The following MID1 variants were observed in gnomAD, a reference collection of about 807,000 sequenced individuals.
MID1 encodes the protein E3 ubiquitin-protein ligase Midline-1.
MID1 carries 7 observed loss-of-function variants against 40.4 expected under a neutral mutation model. That is an observed-to-expected ratio of 0.17 (90% CI 0.10 to 0.33). The LOEUF is 0.33. MID1 is among the 10% of genes least tolerant of loss of function. The pLI is 1.00. For synonymous variants in MID1, 229 were observed against 221.2 expected, an observed-to-expected ratio of 1.04 and a Z score of -0.31; for missense variants, 367 against 558.5, an observed-to-expected ratio of 0.66 and a Z score of 3.46.
At position 10,541,638 on chromosome X, in the gene MID1, C is replaced by A. The variant is rs145104297; in HGVS notation, c.661-18451G>T. 3.5e-3 allele frequency among the ~76,000 whole-genome samples: 392 copies of A among 111,402 alleles called. 2 individuals carry two copies. The highest frequency in any genetic ancestry group is 0.012 in the African/African-American group (356 of 30,661). The stretch of plus-strand genomic sequence containing the variant: ...CTAAAGTAGTTTCCAGTTCTTTGCA[C>A]TTTGTAGTAGAGAAAAAGTATTTCC... On this transcript the variant is annotated intron_variant, in intron 2 of 9. Coordinates refer to ENST00000317552, the MANE Select transcript of MID1 (RefSeq NM_000381.4).
chrX:10,672,852 CT>C (rs2042997429), intron 1 of MID1, among the ~76,000 whole-genome samples: 1 of 110,330 alleles, frequency 9.1e-6, no homozygotes, highest in East Asian at 2.8e-4. Flanking sequence ...ACCCAGTTAA[CT>C]TTTTATTTTT....
intron 1 of MID1, among the ~76,000 whole-genome samples, chrX:10,695,625 A>G (rs1267950184): frequency 8.9e-6 from 1 of 112,061 alleles, no homozygotes; most frequent in Non-Finnish European, 1.9e-5. Context: ...TCCATTTCCC[A>G]CATGGTGTGG....
chrX:10,469,197 G>T, intron 7 of MID1: 1 of 262,570 alleles, frequency 3.8e-6, no homozygotes, highest in Non-Finnish European at 5.5e-6. Context: ...TCAGCCTCCT[G>T]AGTAGTTGGG....
intron 1 of MID1, among the ~76,000 whole-genome samples, chrX:10,638,008 C>A (rs148827235): frequency 4.9e-4 from 55 of 112,053 alleles, no homozygotes; most frequent in Non-Finnish European, 8.7e-4. Flanking sequence ...GGCAAATACA[C>A]TCGGGAAGTG....
chrX:10,456,871 T>TA (rs199722862), intron 8 of MID1, among the ~76,000 whole-genome samples: 1 of 109,685 alleles, frequency 9.1e-6, no homozygotes, highest in African/African-American at 3.4e-5. Flanking sequence ...AGAAAAGCTT[T>TA]AAAGGGGGAG....
intron 1 of MID1, among the ~76,000 whole-genome samples, chrX:10,659,847 G>A (rs1290736359): frequency 8.9e-6 from 1 of 111,896 alleles, no homozygotes; most frequent in South Asian, 3.8e-4. Context: ...CCTTATGATT[G>A]TCTAAAGTGT....
At chrX:10,636,059 G>A (rs1228804681) in intron 1 of MID1, among the ~76,000 whole-genome samples, 3 of 112,279 alleles carry the variant, frequency 2.7e-5, no homozygotes, top group East Asian at 5.6e-4. Context: ...TAGAGAGAAA[G>A]GAGAAAGGCA....
chrX:10,685,849 C>G (rs1286866458), intron 1 of MID1, among the ~76,000 whole-genome samples: 2 of 102,227 alleles, frequency 2.0e-5, no homozygotes, highest in Non-Finnish European at 4.0e-5. Flanking sequence ...TTCAGGGGAC[C>G]CCTCGGCCCC....
At chrX:10,613,409 T>C (rs779748608) in intron 1 of MID1, among the ~76,000 whole-genome samples, 60 of 109,495 alleles carry the variant, frequency 5.5e-4, no homozygotes, top group African/African-American at 1.9e-3. Context: ...ACCATCTACA[T>C]GGAGAAGGCT....
At chrX:10,820,617 C>G (rs2044167921) in intron 1 of MID1, among the ~76,000 whole-genome samples, 1 of 58,506 alleles carries the variant, frequency 1.7e-5, no homozygotes, top group South Asian at 1.3e-3. Flanking sequence ...AGAAACAGAC[C>G]ATCTTAAGTA....
intron 1 of MID1, among the ~76,000 whole-genome samples, chrX:10,774,892 C>T (rs148913109): frequency 0.019 from 2,096 of 111,521 alleles, 21 homozygotes; most frequent in Non-Finnish European, 0.028. Flanking sequence ...TCTAAGTCCA[C>T]TTCAAATCTC....
At chrX:10,705,699 A>T (rs963378056) in intron 1 of MID1, among the ~76,000 whole-genome samples, 3 of 111,990 alleles carry the variant, frequency 2.7e-5, no homozygotes, top group East Asian at 2.8e-4. Flanking sequence ...CAACTTACAA[A>T]TGAGAAGACT....
At chrX:10,825,577 G>T (rs750240562) in intron 1 of MID1, among the ~76,000 whole-genome samples, 22 of 111,861 alleles carry the variant, frequency 2.0e-4, no homozygotes, top group African/African-American at 6.8e-4. Context: ...AAATCCTATA[G>T]TCCTCTTAGA....
chrX:10,622,147 C>G (rs1935941864), upstream of MID1, among the ~76,000 whole-genome samples: 1 of 109,522 alleles, frequency 9.1e-6, no homozygotes, highest in East Asian at 2.9e-4. Flanking sequence ...TGCTGAGGAG[C>G]CTGAGAATCA....
chrX:10,778,978 C>T (rs911689049), intron 1 of MID1, among the ~76,000 whole-genome samples: 1 of 112,691 alleles, frequency 8.9e-6, no homozygotes, highest in Non-Finnish European at 1.9e-5. Flanking sequence ...TCAAACCAAA[C>T]GAGAGTAAAA....
chrX:10,639,068 A>G (rs945267391), intron 1 of MID1, among the ~76,000 whole-genome samples: 5 of 112,464 alleles, frequency 4.4e-5, no homozygotes, highest in African/African-American at 6.5e-5. Flanking sequence ...ACCAGAGCAG[A>G]AAAGCTGAAA....
intron 1 of MID1, among the ~76,000 whole-genome samples, chrX:10,772,183 G>A (rs1318037439): frequency 1.8e-5 from 2 of 110,688 alleles, no homozygotes; most frequent in African/African-American, 3.3e-5. Flanking sequence ...ATGTGTGTGT[G>A]TATATATATC....
chrX:10,503,392 C>A lies in MID1; in HGVS notation c.757-7701G>T, dbSNP rs1487581091. On this transcript the variant is annotated intron_variant, in intron 3 of 9. Transcript: ENST00000317552. ...CAAAGTCAAATACTTGTGGACCTGG[C>A]TCAAGTGAATGAGAGAGAGAGAGAA... Among the ~76,000 whole-genome samples, 5 of 112,130 alleles carry A rather than the reference C, an allele frequency of 4.5e-5. No individual in the cohort carries two copies. In the Admixed American group the frequency reaches 4.7e-4, roughly 11 times the overall value.
chrX:10,642,677 T>G (rs1175289961), intron 1 of MID1, among the ~76,000 whole-genome samples: 2 of 110,505 alleles, frequency 1.8e-5, no homozygotes, highest in Non-Finnish European at 3.8e-5. Context: ...AAAGTTCATA[T>G]GGAACCAAAA....
Sources: gnomAD v4.1 joint callset for allele counts (sites outside exome capture counted in the v4.1 genomes callset) on GRCh38, gnomAD v4.1.1 for gene constraint, MANE v1.5 for transcripts, NCBI Gene and HGNC (gene_info 2026-07-23, HGNC 2026-07-21) for gene names.